The following HSPA8 variants were observed in gnomAD, a reference collection of about 807,000 sequenced individuals.
The protein encoded by HSPA8 is heat shock cognate 71 kDa protein.
A neutral mutation model predicts 52.8 loss-of-function variants in HSPA8; 2 were observed. The observed-to-expected ratio is 0.04, with a 90% CI of 0.02 to 0.12. The LOEUF is 0.12. Among genes scored for constraint, HSPA8 ranks in the 10% least tolerant of loss-of-function variants. The pLI is 1.00. For synonymous variants in HSPA8, 436 were observed against 274.0 expected (o/e 1.59, Z -5.84); for missense variants, 349 against 800.5 (o/e 0.44, Z 6.81).
At chr11:123,061,664 C>G in intron 1 of HSPA8, 1 of 364,960 alleles carries the variant, frequency 2.7e-6, no homozygotes, top group South Asian at 2.6e-5. Flanking sequence ...TTTAACTACT[C>G]CGGAATGTAC....
intron 5 of HSPA8, 40 bp downstream of exon 5, chr11:123,059,433 G>C (rs200762609): frequency 1.3e-6 from 2 of 1,543,062 alleles, no homozygotes; most frequent in East Asian, 4.5e-5. Context: ...GTCACCTTGG[G>C]CCTGCCTGCC....
At chr11:123,058,966 G>A (rs1394086793) in intron 6 of HSPA8, 93 bp downstream of exon 6, 15 of 1,406,726 alleles carry the variant, frequency 1.1e-5, no homozygotes, top group Admixed American at 1.1e-4. Flanking sequence ...TGGAAACTAC[G>A]AATGGTTTTG....
In HSPA8 at chr11:123,058,230, A is replaced by G. The variant is rs781025608; in HGVS notation, c.1755+22T>C. ...CCCCTCCATTGAGTGGGGGAGGAAA[A>G]AAAAAAAAAAAAAACACAAACCTGA... On this transcript the variant is annotated intron_variant, in intron 8 of 8. Coordinates refer to ENST00000534624, the MANE Select transcript of HSPA8 (RefSeq NM_006597.6). 3.0e-6 allele frequency: 4 copies of G among 1,341,900 alleles called. No homozygotes were observed. In the East Asian group the frequency reaches 8.2e-5, roughly 28 times the overall value. 83.1% of individuals were successfully genotyped at this position (1,341,900 alleles called of 1,614,324 possible).
At position 123,057,743 on chromosome 11, in the gene HSPA8, C is replaced by T; in HGVS notation, c.1932G>A (p.Glu644=). ...TCTACACTTGGTTGGCTTAATCAAC[C>T]TCTTCAATGGTGGGCCCTGAGGAAG... ...GGASSGPTIE[E]VD The change falls in exon 9 of 9, where the codon GAG becomes GAA. Residue 644 remains glutamate (E), a synonymous_variant. Transcript: ENST00000534624. 1 of 1,606,012 alleles carries T rather than the reference C, an allele frequency of 6.2e-7. No homozygotes were observed. Among genetic ancestry groups the T allele is most frequent in the Non-Finnish European group, 8.5e-7 (1 of 1,177,580 alleles).
chr11:123,057,495 G>A lies in HSPA8; in HGVS notation c.*239C>T. The A allele has an allele frequency of 2.5e-6, 1 of 407,462 alleles. No individual in the cohort carries two copies. Among genetic ancestry groups the A allele is most frequent in the Non-Finnish European group, 4.3e-6 (1 of 230,386 alleles). 25.2% of individuals were successfully genotyped at this position (407,462 alleles called of 1,614,324 possible). A position where few individuals can be genotyped will look rare whatever the true frequency, so the allele number is the denominator to read the frequency against. ...ATTTAAAGACTCAAAGCAATTGTAT[G>A]GTGCCAATTTTAAATAGTTTTATTT... On this transcript the variant is annotated 3_prime_UTR_variant, in exon 9 of 9. Coordinates refer to ENST00000534624, the MANE Select transcript of HSPA8 (RefSeq NM_006597.6).
chr11:123,058,850 A>T lies in HSPA8; in HGVS notation c.1324-20T>A. The T allele has an allele frequency of 6.2e-7, 1 of 1,606,866 alleles. No homozygotes were observed. The highest frequency in any genetic ancestry group is 8.5e-7 in the Non-Finnish European group (1 of 1,173,538). ...ATAAACCTTGGTAGGAAATAAAACA[A>T]ATTACTACAATGGACTCCAGGTCTG... is the stretch of plus-strand genomic sequence containing the variant. On this transcript the variant is annotated intron_variant, in intron 6 of 8. Coordinates refer to ENST00000534624, the MANE Select transcript of HSPA8 (RefSeq NM_006597.6).
chr11:123,062,380 C>G (rs931648889), upstream of HSPA8: 3 of 152,458 alleles, frequency 2.0e-5, no homozygotes, highest in Non-Finnish European at 4.4e-5. Flanking sequence ...CTCGCCCCCG[C>G]TCTCCGGACG....
At position 123,058,235 on chromosome 11, in the gene HSPA8, A is replaced by AAAAC; in HGVS notation, c.1755+16_1755+17insGTTT. 1 of 1,486,402 alleles carries AAAAC rather than the reference A, an allele frequency of 6.7e-7. No individual in the cohort carries two copies. Among genetic ancestry groups the AAAAC allele is most frequent in the South Asian group, 1.2e-5 (1 of 82,730 alleles). 92.1% of individuals were successfully genotyped at this position (1,486,402 alleles called of 1,614,324 possible). ...CCATTGAGTGGGGGAGGAAAAAAAAAAAAAAAAAACACAAACCTGATTCTT... is the reference window on the plus strand; with the variant it reads ...CCATTGAGTGGGGGAGGAAAAAAAAAAAACAAAAAAAAACACAAACCTGATTCTT... On this transcript the variant is annotated intron_variant, in intron 8 of 8. Transcript: ENST00000534624.
chr11:123,058,914 CA>C, intron 6 of HSPA8, 84 bp from the exon 7 acceptor site: 1 of 1,456,398 alleles, frequency 6.9e-7, no homozygotes, highest in Non-Finnish European at 9.6e-7. Flanking sequence ...AATGGTCGCT[CA>C]AACATCCAAG....
intron 8 of HSPA8, 31 bp from the exon 9 acceptor site, chr11:123,057,950 T>C: frequency 1.3e-6 from 2 of 1,525,342 alleles, no homozygotes; most frequent in Non-Finnish European, 1.8e-6. Flanking sequence ...TTACTGCAAG[T>C]TCTTTTAATG....
rs768454666 is a variant in HSPA8 at position 123,059,264 on chromosome 11, A to G, written c.1121-3T>C. 2.5e-6 allele frequency: 4 copies of G among 1,610,998 alleles called. No homozygotes were observed. The highest frequency in any genetic ancestry group is 1.7e-5 in the Admixed American group (1 of 59,504). ...AGACAAGATGGCTGCCTGGACAGCT[A>G]GCAAACAAAAAGTTAACGTTAAAAG... On this transcript the variant is annotated splice_polypyrimidine_tract_variant and splice_region_variant and intron_variant, in intron 5 of 8. Transcript: ENST00000534624.
chr11:123,059,321 GTT>G (rs899124471), intron 5 of HSPA8, 60 bp from the exon 6 acceptor site: 14 of 1,463,190 alleles, frequency 9.6e-6, no homozygotes, highest in East Asian at 2.3e-5. Context: ...CATAGCTCCT[GTT>G]TTAACTATCA....
chr11:123,058,996 G>A (rs1591436820), intron 6 of HSPA8, 63 bp downstream of exon 6: 2 of 1,483,198 alleles, frequency 1.3e-6, no homozygotes, highest in Non-Finnish European at 1.9e-6. Flanking sequence ...ATCATAGCGA[G>A]TCAGTCAAGA....
At position 123,058,462 on chromosome 11, in the gene HSPA8, A is replaced by T; in HGVS notation, c.1545T>A (p.Ile515=). 6.2e-7 allele frequency: 1 copy of T among 1,614,092 alleles called. No homozygotes were observed. The highest frequency in any genetic ancestry group is 8.5e-7 in the Non-Finnish European group (1 of 1,179,996). Residue 515 remains isoleucine, a synonymous_variant, in exon 8 of 9, where the codon ATT becomes ATA. Transcript: ENST00000534624. ...TCTCAGCTTCCTGGACCATACGTTC[A>T]ATGTCTTCCTTGCTCAAACGGCCTA... is the stretch of plus-strand genomic sequence containing the variant. The part of the protein sequence containing the change: ...NDKGRLSKED[I]ERMVQEAEKY...
At chr11:123,059,421 GA>G in intron 5 of HSPA8, 51 bp downstream of exon 5, 3 of 1,492,968 alleles carry the variant, frequency 2.0e-6, no homozygotes, top group Non-Finnish European at 9.2e-7. Context: ...TCATCACAGC[GA>G]GTCACCTTGG....
At chr11:123,060,543 G>T (rs188681746) in intron 3 of HSPA8, 50 bp downstream of exon 3, 4 of 1,390,404 alleles carry the variant, frequency 2.9e-6, no homozygotes, top group African/African-American at 1.4e-5. Flanking sequence ...GGGAGTCATC[G>T]GGCTTTTAAC....
chr11:123,057,969 C>T (rs1555073971), intron 8 of HSPA8, 50 bp from the exon 9 acceptor site: 24 of 1,395,134 alleles, frequency 1.7e-5, no homozygotes, highest in Non-Finnish European at 2.3e-5. Context: ...TGTTAATAAC[C>T]CTTCTTTCTC....
At chr11:123,060,514 G>GCCAGGTGCCAGTGCCCC in intron 3 of HSPA8, 79 bp downstream of exon 3, 1 of 1,125,418 alleles carries the variant, frequency 8.9e-7, no homozygotes, top group Non-Finnish European at 1.3e-6. Flanking sequence ...CCCCTCCCTC[G>GCCAGGTGCCAGTGCCCC]CCAGGTGCCA....
rs766425028 is a variant in HSPA8, at chr11:123,059,600, A to G, written c.993T>C (p.Ile331=). 6.2e-7 allele frequency: 1 copy of G among 1,614,158 alleles called. No individual in the cohort carries two copies. Among genetic ancestry groups the G allele is most frequent in the Non-Finnish European group, 8.5e-7 (1 of 1,180,028 alleles). ...AACCACCAACCAGGACAATATCATG[A>G]ATCTGTGACTTGTCTAGTTTGGCAT... is the stretch of plus-strand genomic sequence containing the variant. ...LRDAKLDKSQ[I]HDIVLVGGST... The change falls in exon 5 of 9, where the codon ATT becomes ATC. Residue 331 remains isoleucine (I), a synonymous_variant. Transcript: ENST00000534624.
Sources: allele counts gnomAD v4.1 joint callset, GRCh38; gene constraint gnomAD v4.1.1; transcripts MANE v1.5; gene names NCBI Gene and HGNC (gene_info 2026-07-23, HGNC 2026-07-21).